ERBB4: variants seen among roughly 807,000 people sequenced by gnomAD.
ERBB4 encodes erb-b2 receptor tyrosine kinase 4, also known as receptor tyrosine-protein kinase erbB-4.
A neutral mutation model predicts 158.0 loss-of-function variants in ERBB4; 42 were observed. The observed-to-expected ratio is 0.27, with a 90% CI of 0.21 to 0.34. The LOEUF (loss-of-function observed/expected upper bound fraction) is 0.34. ERBB4 is among the 10% of genes least tolerant of loss of function. The pLI is 1.00. For synonymous variants in ERBB4, 583 were observed against 558.7 expected (o/e 1.04, Z -0.61); for missense variants, 1,333 against 1,624.1 (o/e 0.82, Z 3.08).
chr2:212,171,041 C>T (rs115227724), intron 1 of ERBB4, among the ~76,000 whole-genome samples: 2 of 152,086 alleles, frequency 1.3e-5, no homozygotes. Context: ...ACACTCAACA[C>T]CAGACTGTGA....
Position 212,124,897 on chromosome 2 carries a change from G to A in ERBB4, c.89C>T (p.Ala30Val), listed in dbSNP as rs2125571751. 6.2e-7 allele frequency: 1 copy of A among 1,614,050 alleles called. No homozygotes were observed. Among genetic ancestry groups the A allele is most frequent in the Non-Finnish European group, 8.5e-7 (1 of 1,179,934 alleles). ...VQPSDSQSVC[A>V]GTENKLSSLS... ...AGAGCTCAGTTTATTCTCCGTTCCT[G>A]CACACACTGCAAAGACAAGAAGATA... The change falls in exon 2 of 28, where the codon GCA becomes GTA. Residue 30 changes from alanine (A) to valine (V), a missense_variant. Physicochemically the swap from Ala to Val is moderately conservative, Grantham distance 64. Transcript: ENST00000342788.
At chr2:211,819,680 G>A (rs1343187105) in intron 3 of ERBB4, among the ~76,000 whole-genome samples, 6 of 151,860 alleles carry the variant, frequency 4.0e-5, no homozygotes, top group African/African-American at 1.2e-4. Context: ...AAATTATCAA[G>A]TAATTCTGAG....
At chr2:212,286,601 T>TTTTTTTGTTTTGTG (rs1559928565) in intron 1 of ERBB4, among the ~76,000 whole-genome samples, 1 of 118,404 alleles carries the variant, frequency 8.4e-6, no homozygotes, top group South Asian at 2.8e-4. Context: ...TGACTTTTTT[T>TTTTTTTGTTTTGTG]TTTTTTTTTT....
chr2:212,086,130 T>TG (rs1559470712), intron 2 of ERBB4, among the ~76,000 whole-genome samples: 1 of 151,788 alleles, frequency 6.6e-6, no homozygotes, highest in South Asian at 2.1e-4. Context: ...GGGCAGAAAC[T>TG]GGGGGGAAAA....
At chr2:211,816,448 C>T (rs116131696) in intron 3 of ERBB4, among the ~76,000 whole-genome samples, 2,317 of 142,880 alleles carry the variant, frequency 0.016, 73 homozygotes, top group African/African-American at 0.058. Context: ...GGCTGAGGCA[C>T]GAGAATTACT....
At chr2:211,579,839 T>C (rs1395082678) in intron 19 of ERBB4, among the ~76,000 whole-genome samples, 1 of 152,010 alleles carries the variant, frequency 6.6e-6, no homozygotes, top group Non-Finnish European at 1.5e-5. Context: ...GAAAAATAGC[T>C]AATGCATGCT....
At chr2:211,725,216 C>A (rs374612420) in intron 5 of ERBB4, 22 bp from the exon 6 acceptor site, 14 of 1,573,760 alleles carry the variant, frequency 8.9e-6, no homozygotes, top group Non-Finnish European at 1.1e-5. Flanking sequence ...AGAGATAGGA[C>A]CATGATCAAA....
chr2:212,227,219 T>C (rs1259458208), intron 1 of ERBB4, among the ~76,000 whole-genome samples: 1 of 142,768 alleles, frequency 7.0e-6, no homozygotes, highest in Admixed American at 7.2e-5. Context: ...CATTCCAGCA[T>C]GGGCGACAGA....
rs189543794 is a variant in ERBB4, at chr2:211,602,402, C to A, written c.2301+16775G>T. 9.3e-3 allele frequency among the ~76,000 whole-genome samples: 1,414 copies of A among 151,986 alleles called. 25 individuals are homozygous for A. The highest frequency in any genetic ancestry group is 0.031 in the African/African-American group (1,299 of 41,442). On this transcript the variant is annotated intron_variant, in intron 19 of 27. Transcript: ENST00000342788. ...AGCAAGCCCCCTCACAATTAAGCAC[C>A]CACTCCCCCACAGCAGCAGCTGCTG...
At position 212,314,508 on chromosome 2, in the gene ERBB4, A is replaced by G. The variant is rs182445208; in HGVS notation, c.83-189605T>C. On this transcript the variant is annotated intron_variant, in intron 1 of 27. Transcript: ENST00000342788. ...AAATTAGTTATTTGGTTATCTTGAA[A>G]GTTCTTATCAAGCCTCAAAAATTTT... Among the ~76,000 whole-genome samples the G allele has an allele frequency of 3.1e-3, 475 of 151,214 alleles. 2 individuals are homozygous for G. Among genetic ancestry groups the G allele is most frequent in the Non-Finnish European group, 5.2e-3 (352 of 67,398 alleles).
chr2:212,415,914 G>T (rs2091638618), intron 1 of ERBB4, among the ~76,000 whole-genome samples: 2 of 151,942 alleles, frequency 1.3e-5, no homozygotes. Flanking sequence ...ATCATTCATG[G>T]GTCCAGGGCA....
chr2:212,215,442 T>C (rs1012727323), intron 1 of ERBB4, among the ~76,000 whole-genome samples: 5 of 151,442 alleles, frequency 3.3e-5, no homozygotes, highest in Admixed American at 2.6e-4. Context: ...GCTGTGTGTA[T>C]TGTGCAAATT....
intron 1 of ERBB4, among the ~76,000 whole-genome samples, chr2:212,509,398 G>A (rs1330625551): frequency 2.6e-5 from 4 of 151,906 alleles, no homozygotes; most frequent in South Asian, 2.1e-4. Flanking sequence ...ATAGTAAGGC[G>A]GTCAAATTCT....
chr2:212,404,862 CTCA>C (rs1335375891), intron 1 of ERBB4, among the ~76,000 whole-genome samples: 16 of 152,004 alleles, frequency 1.1e-4, no homozygotes, highest in Non-Finnish European at 4.4e-5. Flanking sequence ...CTCACGAGTT[CTCA>C]TCATTTAGCT....
chr2:211,989,852 C>T (rs1271303612), intron 2 of ERBB4, among the ~76,000 whole-genome samples: 1 of 151,938 alleles, frequency 6.6e-6, no homozygotes, highest in Non-Finnish European at 1.5e-5. Context: ...TACTTGAATG[C>T]CTTCCTCAGG....
At chr2:212,192,210 T>C (rs922526379) in intron 1 of ERBB4, among the ~76,000 whole-genome samples, 1 of 115,290 alleles carries the variant, frequency 8.7e-6, no homozygotes, top group Admixed American at 1.1e-4. Context: ...TATTCTTTTT[T>C]ATTTCCTTCT....
chr2:212,327,919 C>T (rs1343722794), intron 1 of ERBB4, among the ~76,000 whole-genome samples: 1 of 150,932 alleles, frequency 6.6e-6, no homozygotes, highest in African/African-American at 2.4e-5. Flanking sequence ...CTGCTTTAAT[C>T]ACCCCTTTAA....
chr2:211,501,018 A>C (rs933559515), intron 20 of ERBB4, among the ~76,000 whole-genome samples: 1 of 151,986 alleles, frequency 6.6e-6, no homozygotes, highest in Non-Finnish European at 1.5e-5. Context: ...TTGGAAGGCC[A>C]TTGTTTGTTC....
chr2:212,235,413 G>C (rs912778928), intron 1 of ERBB4, among the ~76,000 whole-genome samples: 8 of 152,120 alleles, frequency 5.3e-5, no homozygotes, highest in African/African-American at 1.9e-4. Context: ...GTAGCATGAT[G>C]CCTCCAGGTT....
Sources: allele counts gnomAD v4.1 joint callset (sites outside exome capture counted in the v4.1 genomes callset), GRCh38; gene constraint gnomAD v4.1.1; transcripts MANE v1.5; gene names NCBI Gene and HGNC (gene_info 2026-07-23, HGNC 2026-07-21).